Variants in LVRN observed in about 807,000 individuals in gnomAD.
LVRN encodes laeverin, also known as aminopeptidase Q.
In LVRN, 99 loss-of-function variants were observed where a neutral mutation model predicts 111.4. That is an observed-to-expected ratio of 0.89 (90% confidence interval 0.76 to 1.05). LVRN has a LOEUF of 1.05. Ranked by LOEUF, LVRN falls within the 50% of genes least tolerant of loss-of-function variation. The probability of loss-of-function intolerance (pLI) is 0.00; values close to 1 mark genes in which losing one functional copy is unlikely to be tolerated. For missense variants in LVRN, 1,414 were observed against 1,206.8 expected, an observed-to-expected ratio of 1.17 and a Z score of -2.54; for synonymous variants, 488 against 449.5, an observed-to-expected ratio of 1.09 and a Z score of -1.08.
chr5:116,005,967 A>G lies in LVRN; in HGVS notation c.2093A>G (p.Lys698Arg), dbSNP rs751737258. Residue 698 changes from lysine to arginine, a missense_variant and splice_region_variant, in exon 13 of 20, where the codon AAA (lysine) becomes AGA (arginine). By Grantham distance (26) the Lys-to-Arg change is conservative. Coordinates refer to ENST00000357872, the MANE Select transcript of LVRN (RefSeq NM_173800.5). ...QLIDDAFSLSKNNYIEIETAL... is the reference protein window; with the variant it reads ...QLIDDAFSLSRNNYIEIETAL... ...ATTGATGATGCCTTTTCCTTGTCTAAGTGAGTATATTTTCTTCTCTCATGG... is the reference window on the plus strand; with the variant it reads ...ATTGATGATGCCTTTTCCTTGTCTAGGTGAGTATATTTTCTTCTCTCATGG... The G allele has an allele frequency of 3.1e-6, 5 of 1,588,442 alleles. No individual in the cohort carries two copies. In the South Asian group the frequency reaches 5.5e-5, roughly 18 times the overall value.
At chr5:116,016,712 A>T (rs978395154) in intron 18 of LVRN, among the ~76,000 whole-genome samples, 1 of 152,204 alleles carries the variant, frequency 6.6e-6, no homozygotes, top group African/African-American at 2.4e-5. Context: ...GTTTGACTAC[A>T]TAGCGTCTTC....
chr5:115,990,308 C>T (rs557611950), intron 4 of LVRN, among the ~76,000 whole-genome samples: 59 of 152,182 alleles, frequency 3.9e-4, no homozygotes, highest in African/African-American at 1.4e-3. Flanking sequence ...AATTATTAGA[C>T]TCCTATGTAT....
chr5:115,991,884 T>C (rs930974634), intron 4 of LVRN, among the ~76,000 whole-genome samples: 7 of 152,238 alleles, frequency 4.6e-5, no homozygotes, highest in African/African-American at 1.7e-4. Context: ...GTTGTAAGCA[T>C]TCTTTGTGTA....
chr5:115,987,083 T>C (rs1011745053), intron 3 of LVRN, among the ~76,000 whole-genome samples: 7 of 152,170 alleles, frequency 4.6e-5, no homozygotes, highest in Non-Finnish European at 1.0e-4. Context: ...TAATAATTAA[T>C]GTTAAAACAA....
intron 4 of LVRN, 137 bp from the exon 5 acceptor site, chr5:115,991,986 A>G: frequency 1.3e-6 from 1 of 742,798 alleles, no homozygotes; most frequent in South Asian, 2.3e-5. Flanking sequence ...TAGTCTTTAA[A>G]AAGCCTTCTC....
intron 6 of LVRN, among the ~76,000 whole-genome samples, chr5:115,996,358 C>T (rs959299070): frequency 3.9e-5 from 6 of 152,064 alleles, no homozygotes; most frequent in Non-Finnish European, 8.8e-5. Flanking sequence ...TCTTTTTGTA[C>T]CTTTTAATTA....
chr5:115,989,615 C>G (rs1223737150), intron 4 of LVRN, among the ~76,000 whole-genome samples: 1 of 152,146 alleles, frequency 6.6e-6, no homozygotes, highest in Non-Finnish European at 1.5e-5. Flanking sequence ...AGGTGGTCAA[C>G]AGTAAACTTT....
Position 116,027,187 on chromosome 5 carries a change from A to G in LVRN, c.*1069A>G, listed in dbSNP as rs149725118. On this transcript the variant is annotated 3_prime_UTR_variant, in exon 20 of 20. Coordinates refer to ENST00000357872, the MANE Select transcript of LVRN (RefSeq NM_173800.5). ...GATTAAAACAAGACAACTAAAGCTA[A>G]TCATTCCTCTTCTAGACTTTGTGTA... 4.5e-4 allele frequency: 69 copies of G among 152,332 alleles called. No individual in the cohort carries two copies. The highest frequency in any genetic ancestry group is 1.6e-3 in the African/African-American group (68 of 41,582). 9.4% of individuals were successfully genotyped at this position (152,332 alleles called of 1,614,324 possible).
intron 3 of LVRN, among the ~76,000 whole-genome samples, chr5:115,986,473 A>G (rs1026620937): frequency 1.3e-5 from 2 of 152,210 alleles, no homozygotes; most frequent in Non-Finnish European, 2.9e-5. Flanking sequence ...GCCAGCTGCC[A>G]TAGAAACAAC....
chr5:115,986,359 CCATT>C (rs1747864162), intron 3 of LVRN, among the ~76,000 whole-genome samples: 1 of 152,184 alleles, frequency 6.6e-6, no homozygotes, highest in Non-Finnish European at 1.5e-5. Flanking sequence ...TCCTTGGCAT[CCATT>C]ATCTCAAGTG....
chr5:115,977,085 C>A (rs6884418), intron 1 of LVRN, among the ~76,000 whole-genome samples: 24,673 of 152,190 alleles, frequency 0.16, 2,447 homozygotes, highest in South Asian at 0.26. Context: ...TCAGCGTACC[C>A]TTCCCTGGTA....
At chr5:115,982,563 C>A (rs1190589146) in intron 1 of LVRN, among the ~76,000 whole-genome samples, 2 of 152,068 alleles carry the variant, frequency 1.3e-5, no homozygotes, top group East Asian at 3.9e-4. Context: ...GGGACCTGTG[C>A]TGTCATCAGA....
rs769285747 is a variant in LVRN, at chr5:115,963,081, G to A, written c.464G>A (p.Arg155His). The A allele has an allele frequency of 2.5e-6, 4 of 1,613,666 alleles. No individual in the cohort carries two copies. In the South Asian group the frequency reaches 4.4e-5, roughly 18 times the overall value. ...LLHSLFQDCE[R>H]AEVRGPLSPG... is the part of the protein sequence containing the mutation. ...CATAGCCTCTTCCAGGACTGCGAGCGCGCCGAGGTGCGGGGACCCCTTTCC... is the reference window on the plus strand; with the variant it reads ...CATAGCCTCTTCCAGGACTGCGAGCACGCCGAGGTGCGGGGACCCCTTTCC... Residue 155 changes from arginine to histidine, a missense_variant, in exon 1 of 20, where the codon CGC becomes CAC. By Grantham distance (29) the Arg-to-His change is conservative. Coordinates refer to ENST00000357872, the MANE Select transcript of LVRN (RefSeq NM_173800.5).
At chr5:116,014,586 C>CT in intron 16 of LVRN, 59 bp downstream of exon 16, 1 of 1,350,088 alleles carries the variant, frequency 7.4e-7, no homozygotes, top group South Asian at 1.2e-5. Flanking sequence ...AGCAATTTCC[C>CT]TTTTTGATGT....
chr5:115,966,748 C>A (rs4921037), intron 1 of LVRN, among the ~76,000 whole-genome samples: 19,918 of 152,182 alleles, frequency 0.13, 1,709 homozygotes, highest in African/African-American at 0.25. Flanking sequence ...AGTGGCTATA[C>A]CATTTTATAC....
rs745374504 is a variant in LVRN at position 116,001,046 on chromosome 5, T to C, written c.1648-21T>C. 146 of 1,574,460 alleles carry C rather than the reference T, an allele frequency of 9.3e-5. 2 individuals carry two copies. In the Admixed American group the frequency reaches 3.0e-3, roughly 32 times the overall value. ...TTTCACGGATAACCTTACCTGCCTT[T>C]GTGGTGATTTTTTAAAACAGGCCAT... On this transcript the variant is annotated intron_variant, in intron 9 of 19. Coordinates refer to ENST00000357872, the MANE Select transcript of LVRN (RefSeq NM_173800.5).
Position 116,027,212 on chromosome 5 carries a change from A to G in LVRN, c.*1094A>G, listed in dbSNP as rs1282777527. On this transcript the variant is annotated 3_prime_UTR_variant, in exon 20 of 20. Coordinates refer to ENST00000357872, the MANE Select transcript of LVRN (RefSeq NM_173800.5). ...ATCATTCCTCTTCTAGACTTTGTGT[A>G]TATGATTTAATCTTTTATTTTTATT... The G allele has an allele frequency of 2.6e-5, 4 of 152,334 alleles. No individual in the cohort carries two copies. The highest frequency in any genetic ancestry group is 2.1e-4 in the South Asian group (1 of 4,830). 9.4% of individuals were successfully genotyped at this position (152,334 alleles called of 1,614,324 possible). A position where few individuals can be genotyped will look rare whatever the true frequency, so the allele number is the denominator to read the frequency against.
At chr5:115,996,755 C>G (rs546845285) in intron 6 of LVRN, among the ~76,000 whole-genome samples, 1 of 152,248 alleles carries the variant, frequency 6.6e-6, no homozygotes, top group East Asian at 1.9e-4. Flanking sequence ...TTCCTGCTGC[C>G]TGATCTAAGA....
chr5:115,994,079 CT>C (rs889462381), intron 6 of LVRN, among the ~76,000 whole-genome samples: 6 of 151,534 alleles, frequency 4.0e-5, no homozygotes, highest in African/African-American at 1.2e-4. Flanking sequence ...TTTTGTATTG[CT>C]TTTTTTACTT....
Sources: gnomAD v4.1 joint callset for allele counts (sites outside exome capture counted in the v4.1 genomes callset) on GRCh38, gnomAD v4.1.1 for gene constraint, MANE v1.5 for transcripts, NCBI Gene and HGNC (gene_info 2026-07-23, HGNC 2026-07-21) for gene names.